MAP3K5: variants seen among roughly 807,000 people sequenced by gnomAD.
The protein encoded by MAP3K5 is ASK-1.
A neutral mutation model predicts 158.7 loss-of-function variants in MAP3K5; 56 were observed. That is an observed-to-expected ratio of 0.35 (90% CI 0.28 to 0.44). The LOEUF (loss-of-function observed/expected upper bound fraction) is 0.44, where lower values mean the gene tolerates loss of function less well. Ranked by LOEUF, MAP3K5 falls within the 20% of genes least tolerant of loss-of-function variation. MAP3K5 has a pLI of 1.00. For synonymous variants in MAP3K5, 579 were observed against 601.7 expected (o/e 0.96, Z 0.55); for missense variants, 1,294 against 1,674.8 (o/e 0.77, Z 3.97).
At chr6:136,779,261 AAAT>A (rs1226468924) in intron 1 of MAP3K5, among the ~76,000 whole-genome samples, 1 of 151,886 alleles carries the variant, frequency 6.6e-6, no homozygotes, top group Non-Finnish European at 1.5e-5. Context: ...ATACATAAAT[AAAT>A]AATAAATAAA....
At chr6:136,726,285 A>G (rs1161722932) in intron 1 of MAP3K5, among the ~76,000 whole-genome samples, 2 of 152,240 alleles carry the variant, frequency 1.3e-5, no homozygotes, top group Non-Finnish European at 2.9e-5. Flanking sequence ...AAGAACTGAC[A>G]TCTTAACAAT....
rs779691910 is a variant in MAP3K5 at position 136,613,101 on chromosome 6, G to A, written c.2415+19C>T. On this transcript the variant is annotated intron_variant, in intron 17 of 29. Transcript: ENST00000359015. The surrounding 1 kb of genome is among the most constrained non-coding windows in gnomAD (Gnocchi z 4.0). ...CAGCAAAGAAAGAACTCATGAAAAT[G>A]AATGCTGGTGTACCTCACCTTTATG... 6.4e-7 allele frequency: 1 copy of A among 1,572,974 alleles called. No individual in the cohort carries two copies. Among genetic ancestry groups the A allele is most frequent in the East Asian group, 2.3e-5 (1 of 43,730 alleles).
chr6:136,715,083 C>G (rs1349900823), intron 2 of MAP3K5, among the ~76,000 whole-genome samples: 1 of 152,182 alleles, frequency 6.6e-6, no homozygotes, highest in African/African-American at 2.4e-5. Flanking sequence ...AAGAAATAAT[C>G]TAACATAATC....
Position 136,567,676 on chromosome 6 carries a change from C to A in MAP3K5, c.3716G>T (p.Arg1239Leu). ...TVSHDSQSAH[R>L]SLNVQLGRMK... Reference sequence around the variant, plus strand: ...CCTTCCAAGCTGTACATTCAGTGACCGGTGAGCACTCTGGGAATCATGAGA... The same window carrying A: ...CCTTCCAAGCTGTACATTCAGTGACAGGTGAGCACTCTGGGAATCATGAGA... Residue 1239 changes from arginine to leucine, a missense_variant, in exon 26 of 30, where the codon CGG becomes CTG. Coordinates refer to ENST00000359015, the MANE Select transcript of MAP3K5 (RefSeq NM_005923.4). 2 of 1,614,130 alleles carry A rather than the reference C, an allele frequency of 1.2e-6. No homozygotes were observed. The highest frequency in any genetic ancestry group is 1.7e-6 in the Non-Finnish European group (2 of 1,180,012).
chr6:136,707,560 G>T (rs12173453), intron 2 of MAP3K5, among the ~76,000 whole-genome samples: 11,225 of 151,466 alleles, frequency 0.074, 430 homozygotes, highest in Middle Eastern at 0.11. Flanking sequence ...AGGTACTTGG[G>T]GGGGGGGGGA....
At chr6:136,565,616 A>T (rs1774065033) in intron 26 of MAP3K5, among the ~76,000 whole-genome samples, 1 of 152,200 alleles carries the variant, frequency 6.6e-6, no homozygotes, top group Non-Finnish European at 1.5e-5. Flanking sequence ...TTAATATGAG[A>T]GCTACAACCT....
intron 10 of MAP3K5, among the ~76,000 whole-genome samples, chr6:136,654,142 G>A (rs1056897734): frequency 6.6e-5 from 10 of 152,168 alleles, no homozygotes; most frequent in South Asian, 2.1e-4. Context: ...TATTTGCTTC[G>A]AAATGTTTTC....
chr6:136,749,356 GA>G (rs540596510), intron 1 of MAP3K5, among the ~76,000 whole-genome samples: 3 of 148,008 alleles, frequency 2.0e-5, no homozygotes, highest in Non-Finnish European at 4.5e-5. Flanking sequence ...CTGGGCAACA[GA>G]GCGAAACTCT....
At chr6:136,705,679 G>A (rs1208819520) in intron 2 of MAP3K5, among the ~76,000 whole-genome samples, 2 of 152,090 alleles carry the variant, frequency 1.3e-5, no homozygotes, top group African/African-American at 2.4e-5. Flanking sequence ...ACAAAACAAA[G>A]CAAAACAAAA....
At chr6:136,764,036 A>G (rs557496649) in intron 1 of MAP3K5, among the ~76,000 whole-genome samples, 26 of 152,276 alleles carry the variant, frequency 1.7e-4, no homozygotes, top group African/African-American at 6.3e-4. Context: ...TTTCTCATAA[A>G]TTACTCAGTT....
intron 2 of MAP3K5, among the ~76,000 whole-genome samples, chr6:136,706,202 G>C (rs1056480421): frequency 1.3e-5 from 2 of 152,092 alleles, no homozygotes; most frequent in African/African-American, 4.8e-5. Context: ...AGAGGCGGAG[G>C]CTGCGGCGAG....
intron 9 of MAP3K5, among the ~76,000 whole-genome samples, chr6:136,658,348 C>T (rs151249566): frequency 1.3e-3 from 172 of 134,004 alleles, no homozygotes; most frequent in African/African-American, 4.5e-3. Flanking sequence ...AGAGTCTTGC[C>T]CTGTCACCCA....
chr6:136,559,705 AT>A (rs892168239), intron 28 of MAP3K5, among the ~76,000 whole-genome samples: 2 of 152,036 alleles, frequency 1.3e-5, no homozygotes, highest in African/African-American at 4.8e-5. Flanking sequence ...AATTTTATTT[AT>A]TTTTTTATAT....
intron 7 of MAP3K5, among the ~76,000 whole-genome samples, chr6:136,680,204 T>C (rs1189122727): frequency 6.6e-6 from 1 of 152,188 alleles, no homozygotes; most frequent in East Asian, 1.9e-4. Flanking sequence ...AACTGTTGTC[T>C]AACAGATACA....
intron 15 of MAP3K5, among the ~76,000 whole-genome samples, chr6:136,618,993 T>G (rs1776687591): frequency 6.6e-6 from 1 of 152,086 alleles, no homozygotes; most frequent in Non-Finnish European, 1.5e-5. Context: ...TTTGGGCGAG[T>G]GCAACAGAGG....
chr6:136,663,429 T>C (rs1779091928), intron 8 of MAP3K5, among the ~76,000 whole-genome samples: 1 of 152,196 alleles, frequency 6.6e-6, no homozygotes, highest in Non-Finnish European at 1.5e-5. Context: ...TATCTTCCTA[T>C]ATATTCTATT....
chr6:136,630,349 G>A (rs965012405), intron 14 of MAP3K5: 9 of 152,190 alleles, frequency 5.9e-5, no homozygotes, highest in Non-Finnish European at 1.3e-4. Flanking sequence ...CTCAGTGATA[G>A]CAGGAATTTC....
intron 15 of MAP3K5, among the ~76,000 whole-genome samples, chr6:136,620,542 T>C (rs1003816349): frequency 5.3e-5 from 8 of 151,974 alleles, no homozygotes; most frequent in African/African-American, 1.5e-4. Context: ...AGCTCAGGGG[T>C]GGGTCCTTCC....
At chr6:136,741,904 C>A (rs975008319) in intron 1 of MAP3K5, among the ~76,000 whole-genome samples, 1 of 151,954 alleles carries the variant, frequency 6.6e-6, no homozygotes, top group Non-Finnish European at 1.5e-5. Context: ...ATTAGCACCC[C>A]CAAAAATGAA....
Sources: gnomAD v4.1 joint callset for allele counts (sites outside exome capture counted in the v4.1 genomes callset) on GRCh38, gnomAD v4.1.1 for gene constraint, Gnocchi (gnomAD v3.1) non-coding constraint, MANE v1.5 for transcripts, NCBI Gene and HGNC (gene_info 2026-07-23, HGNC 2026-07-21) for gene names.